Variants in LAMA3 observed in about 807,000 individuals in gnomAD.
LAMA3 encodes laminin subunit alpha 3.
In LAMA3, 281 loss-of-function variants were observed where a neutral mutation model predicts 402.0. The observed-to-expected ratio is 0.70, with a 90% confidence interval of 0.63 to 0.77. LAMA3 has a LOEUF of 0.77. Among genes scored for constraint, LAMA3 ranks in the 30% least tolerant of loss-of-function variants. LAMA3 has a pLI of 0.00. For synonymous variants in LAMA3, 1,431 were observed against 1,558.4 expected (o/e 0.92, Z 1.93); for missense variants, 3,840 against 4,215.5 (o/e 0.91, Z 2.47).
intron 2 of LAMA3, among the ~76,000 whole-genome samples, chr18:23,733,527 A>G (rs947423986): frequency 2.0e-5 from 3 of 152,170 alleles, no homozygotes; most frequent in African/African-American, 7.2e-5. Flanking sequence ...TGATTCAATT[A>G]TCTTCCACCA....
chr18:23,689,521 C>G lies in LAMA3; in HGVS notation c.-163C>G. 1 of 610,686 alleles carries G rather than the reference C, an allele frequency of 1.6e-6. No individual in the cohort carries two copies. Among genetic ancestry groups the G allele is most frequent in the Non-Finnish European group, 2.3e-6 (1 of 427,064 alleles). 37.8% of individuals were successfully genotyped at this position (610,686 alleles called of 1,614,324 possible). A position where few individuals can be genotyped will look rare whatever the true frequency, so the allele number is the denominator to read the frequency against. ...CAGAGCTGAGAGGCCACCCCCACGC[C>G]GCGGGCTTCCAGCGCGTGGAGCAAG... On this transcript the variant is annotated 5_prime_UTR_variant, in exon 1 of 75. Coordinates refer to ENST00000313654, the MANE Select transcript of LAMA3 (RefSeq NM_198129.4).
chr18:23,823,850 A>G (rs1238233469), intron 20 of LAMA3, among the ~76,000 whole-genome samples: 1 of 152,248 alleles, frequency 6.6e-6, no homozygotes, highest in African/African-American at 2.4e-5. Flanking sequence ...AAACAAACGG[A>G]AGTGTAAAAC....
chr18:23,915,523 G>A (rs1166484229), intron 59 of LAMA3, 101 bp downstream of exon 59: 3 of 1,087,864 alleles, frequency 2.8e-6, no homozygotes, highest in Admixed American at 1.7e-5. Flanking sequence ...TGCTATTGAT[G>A]TTGCTAGTTG....
intron 2 of LAMA3, among the ~76,000 whole-genome samples, chr18:23,738,078 T>C (rs1291365244): frequency 6.6e-6 from 1 of 151,738 alleles, no homozygotes; most frequent in East Asian, 1.9e-4. Context: ...TGGTATAAGA[T>C]GGAAGTAGAG....
At chr18:23,849,326 C>G (rs1276079185) in intron 32 of LAMA3, among the ~76,000 whole-genome samples, 1 of 152,190 alleles carries the variant, frequency 6.6e-6, no homozygotes, top group African/African-American at 2.4e-5. Flanking sequence ...TATTCCAAGT[C>G]TTTAAAACCA....
chr18:23,812,849 T>C (rs1342991920), intron 13 of LAMA3, among the ~76,000 whole-genome samples: 1 of 152,210 alleles, frequency 6.6e-6, no homozygotes, highest in Admixed American at 6.5e-5. Context: ...ATTTGTTCAG[T>C]GGCAAAAGAG....
intron 2 of LAMA3, among the ~76,000 whole-genome samples, chr18:23,737,944 G>C (rs1010973679): frequency 6.6e-6 from 1 of 152,248 alleles, no homozygotes; most frequent in Non-Finnish European, 1.5e-5. Context: ...TCAGGCTCCA[G>C]GGGGCTGGGG....
At chr18:23,838,709 G>A (rs2063634968) in intron 25 of LAMA3, 72 bp from the exon 26 acceptor site, 2 of 804,454 alleles carry the variant, frequency 2.5e-6, no homozygotes, top group Non-Finnish European at 4.5e-6. Flanking sequence ...TTTTTAAAAG[G>A]GTGTTTTTGG....
chr18:23,949,694 C>A, intron 70 of LAMA3, 71 bp from the exon 71 acceptor site: 1 of 1,491,836 alleles, frequency 6.7e-7, no homozygotes, highest in Non-Finnish European at 9.4e-7. Flanking sequence ...CTGCAGTGCC[C>A]TTCGCCTTGG....
intron 33 of LAMA3, 118 bp downstream of exon 33, chr18:23,858,106 G>C: frequency 5.9e-6 from 7 of 1,179,654 alleles, no homozygotes; most frequent in Non-Finnish European, 1.2e-6. Context: ...GATGTTGATA[G>C]TGTATGTAGC....
At chr18:23,829,560 C>T (rs995997597) in intron 23 of LAMA3, among the ~76,000 whole-genome samples, 6 of 152,198 alleles carry the variant, frequency 3.9e-5, no homozygotes, top group African/African-American at 1.2e-4. Flanking sequence ...AATGGCATAG[C>T]TCAGTTCTTG....
intron 1 of LAMA3, among the ~76,000 whole-genome samples, chr18:23,694,975 T>C (rs1490706249): frequency 6.6e-6 from 1 of 152,196 alleles, no homozygotes; most frequent in Non-Finnish European, 1.5e-5. Context: ...AACACCACCA[T>C]AGAATTTACT....
chr18:23,790,151 G>C (rs8097662), intron 12 of LAMA3, among the ~76,000 whole-genome samples: 120,719 of 152,176 alleles, frequency 0.79, 48,692 homozygotes, highest in African/African-American at 0.95. Context: ...GAATTCTATT[G>C]TATTCTTTAA....
chr18:23,907,864 G>A lies in LAMA3; in HGVS notation c.6944G>A (p.Arg2315Lys). 2 of 1,614,128 alleles carry A rather than the reference G, an allele frequency of 1.2e-6. No individual in the cohort carries two copies. Among genetic ancestry groups the A allele is most frequent in the South Asian group, 1.1e-5 (1 of 91,068 alleles). The change falls in exon 54 of 75, where the codon AGA becomes AAA. Residue 2315 changes from arginine (R) to lysine (K), a missense_variant. By Grantham distance (26) the Arg-to-Lys change is conservative (BLOSUM62 2). Transcript: ENST00000313654. ...AACCCCATCCAGACAGATGTGGAAAGAATTAAGGACACCTATGGGAGGACA... is the reference window on the plus strand; with the variant it reads ...AACCCCATCCAGACAGATGTGGAAAAAATTAAGGACACCTATGGGAGGACA... ...GLNPIQTDVERIKDTYGRTQN... is the reference protein window; with the variant it reads ...GLNPIQTDVEKIKDTYGRTQN...
chr18:23,841,946 CTT>C (rs1045867358), intron 27 of LAMA3, among the ~76,000 whole-genome samples: 42 of 152,148 alleles, frequency 2.8e-4, no homozygotes, highest in African/African-American at 7.5e-4. Context: ...GAGTCAGACT[CTT>C]TATTGCATGG....
intron 37 of LAMA3, among the ~76,000 whole-genome samples, chr18:23,870,164 G>A (rs1197652851): frequency 1.3e-5 from 2 of 152,290 alleles, no homozygotes; most frequent in East Asian, 3.9e-4. Flanking sequence ...TTAGCCAGGT[G>A]TAGTGGCACG....
chr18:23,720,548 G>A (rs115200934), intron 2 of LAMA3, among the ~76,000 whole-genome samples: 2,170 of 152,150 alleles, frequency 0.014, 47 homozygotes, highest in African/African-American at 0.049. Context: ...GTGTGATGGG[G>A]TTTCACCATG....
chr18:23,884,909 G>A (rs1167608403), intron 41 of LAMA3, 56 bp downstream of exon 41: 4 of 1,391,144 alleles, frequency 2.9e-6, no homozygotes, highest in Admixed American at 3.7e-5. Context: ...AGGGCTGTGG[G>A]TGGGGCTGCC....
At chr18:23,946,442 T>G in intron 70 of LAMA3, 158 bp downstream of exon 70, 1 of 851,004 alleles carries the variant, frequency 1.2e-6, no homozygotes. Context: ...ATAGAGTAAG[T>G]GCCCATTTCT....
Sources: allele counts gnomAD v4.1 joint callset (sites outside exome capture counted in the v4.1 genomes callset), GRCh38; gene constraint gnomAD v4.1.1; transcripts MANE v1.5; gene names NCBI Gene and HGNC (gene_info 2026-07-23, HGNC 2026-07-21).